Variants in CDH23 observed in about 807,000 individuals in gnomAD.
CDH23 encodes cadherin-23.
A neutral mutation model predicts 317.1 loss-of-function variants in CDH23; 189 were observed. The observed-to-expected ratio is 0.60, with a 90% confidence interval of 0.53 to 0.67. The LOEUF is 0.67. Among genes scored for constraint, CDH23 ranks in the 30% least tolerant of loss-of-function variants. The pLI is 0.00. For synonymous variants in CDH23, 1,839 were observed against 1,876.8 expected (o/e 0.98, Z 0.52); for missense variants, 4,401 against 4,592.4 (o/e 0.96, Z 1.20).
rs140660899 is a variant in CDH23, at chr10:71,510,297, G to A, written c.288+73G>A. ...GGAGACACTGGGGGAAGGACGGCCC[G>A]CCATCTTTTGGCGTCTTCCTCTAAG... On this transcript the variant is annotated intron_variant, in intron 4 of 69. Coordinates refer to ENST00000224721, the MANE Select transcript of CDH23 (RefSeq NM_022124.6). 2.1e-3 allele frequency: 3,220 copies of A among 1,542,048 alleles called. 23 individuals are homozygous for A. Among genetic ancestry groups the A allele is most frequent in the African/African-American group, 0.019 (1,386 of 73,470 alleles).
At chr10:71,510,928 C>T (rs750074677) in intron 4 of CDH23, 26 bp from the exon 5 acceptor site, 1 of 1,613,704 alleles carries the variant, frequency 6.2e-7, no homozygotes, top group Non-Finnish European at 8.5e-7. Context: ...CTAACTGCCC[C>T]CCTCCCTCTC....
chr10:71,466,489 C>T (rs973124456), intron 3 of CDH23, among the ~76,000 whole-genome samples: 1 of 151,870 alleles, frequency 6.6e-6, no homozygotes, highest in African/African-American at 2.4e-5. Flanking sequence ...CCCCACCTCA[C>T]GGATATGCGT....
intron 2 of CDH23, among the ~76,000 whole-genome samples, chr10:71,442,455 C>G (rs1003482333): frequency 4.6e-5 from 7 of 152,166 alleles, no homozygotes; most frequent in Non-Finnish European, 1.0e-4. Flanking sequence ...CCACACTGCC[C>G]TCGCCACTTT....
intron 51 of CDH23, 37 bp from the exon 52 acceptor site, chr10:71,799,455 C>T (rs1471937957): frequency 5.6e-6 from 9 of 1,613,604 alleles, no homozygotes; most frequent in Non-Finnish European, 7.6e-6. Context: ...TGGGACTGAC[C>T]TTGGCCTACT....
chr10:71,692,403 C>G (rs759341721), intron 20 of CDH23, among the ~76,000 whole-genome samples: 22 of 152,210 alleles, frequency 1.4e-4, no homozygotes, highest in Admixed American at 7.2e-4. Context: ...CTCTGAGTTC[C>G]TCGGTCAAAT....
At position 71,785,692 on chromosome 10, in the gene CDH23, C is replaced by G. The variant is rs767901553; in HGVS notation, c.5774C>G (p.Thr1925Ser). 1.2e-6 allele frequency: 2 copies of G among 1,608,968 alleles called. No individual in the cohort carries two copies. The highest frequency in any genetic ancestry group is 1.7e-5 in the Admixed American group (1 of 59,528). The change falls in exon 44 of 70, where the codon ACC becomes AGC. Residue 1925 changes from threonine to serine, a missense_variant. Transcript: ENST00000224721. ...GAGCGGATCCCAGAGTACAAGCTGA[C>G]CATTTCTGTGAAGGACAACCCGGAG... ...DRERIPEYKL[T>S]ISVKDNPENP...
At chr10:71,580,227 C>A (rs1333119455) in intron 9 of CDH23, among the ~76,000 whole-genome samples, 1 of 152,206 alleles carries the variant, frequency 6.6e-6, no homozygotes, top group South Asian at 2.1e-4. Context: ...GCTGCTAAGC[C>A]TTTGGTGTCT....
chr10:71,444,209 T>TGGAGTGCTTGCTGTGTGCCAGTGGC (rs1335899374), intron 2 of CDH23, among the ~76,000 whole-genome samples: 4 of 152,270 alleles, frequency 2.6e-5, no homozygotes, highest in Non-Finnish European at 4.4e-5. Flanking sequence ...CTACCATTTA[T>TGGAGTGCTTGCTGTGTGCCAGTGGC]GGAGTGCTTG....
At chr10:71,574,226 C>G (rs10762455) in intron 8 of CDH23, among the ~76,000 whole-genome samples, 22,002 of 151,962 alleles carry the variant, frequency 0.14, 2,417 homozygotes, top group East Asian at 0.54. Context: ...CTCCCCCTAT[C>G]AGCGTATCAG....
intron 3 of CDH23, among the ~76,000 whole-genome samples, chr10:71,456,318 A>T (rs1850693608): frequency 6.6e-6 from 1 of 151,692 alleles, no homozygotes; most frequent in Admixed American, 6.6e-5. Flanking sequence ...TTGGGGGATG[A>T]CTGACAGAAC....
chr10:71,814,844 C>A, intron 69 of CDH23, 108 bp from the exon 70 acceptor site: 2 of 1,285,890 alleles, frequency 1.6e-6, no homozygotes, highest in Non-Finnish European at 2.1e-6. Flanking sequence ...AGGCCTGCTG[C>A]GGTAGGAGCC....
Position 71,557,104 on chromosome 10 carries a change from AC to A in CDH23, c.430-9637del, listed in dbSNP as rs777994347. On this transcript the variant is annotated intron_variant, in intron 6 of 69. Coordinates refer to ENST00000224721, the MANE Select transcript of CDH23 (RefSeq NM_022124.6). Reference sequence around the variant, plus strand: ...TTAACATTCACTATCCATCCTCCAAACTTAATTATATTTCTCTTTTTAGCTA... The same window carrying A: ...TTAACATTCACTATCCATCCTCCAAATTAATTATATTTCTCTTTTTAGCTA... Among the ~76,000 whole-genome samples the A allele has an allele frequency of 1.1e-4, 17 of 152,114 alleles. No homozygotes were observed. In the East Asian group the frequency reaches 2.1e-3, roughly 19 times the overall value.
chr10:71,455,652 A>T (rs1850659638), intron 3 of CDH23, among the ~76,000 whole-genome samples: 1 of 152,206 alleles, frequency 6.6e-6, no homozygotes, highest in African/African-American at 2.4e-5. Context: ...CATAGAAAAA[A>T]ATATATACAG....
chr10:71,613,921 C>T (rs1861045030), intron 9 of CDH23, among the ~76,000 whole-genome samples: 1 of 152,232 alleles, frequency 6.6e-6, no homozygotes, highest in Non-Finnish European at 1.5e-5. Flanking sequence ...ACTACTGAGT[C>T]CTTATTTTGT....
intron 38 of CDH23, among the ~76,000 whole-genome samples, chr10:71,777,450 G>T (rs986273681): frequency 2.0e-5 from 3 of 152,344 alleles, no homozygotes; most frequent in Non-Finnish European, 4.4e-5. Flanking sequence ...CGCAGACATA[G>T]GAGTGGTGGT....
rs370965108 is a variant in CDH23 at position 71,785,714 on chromosome 10, G to T, written c.5796G>T (p.Pro1932=). The T allele has an allele frequency of 6.2e-7, 1 of 1,606,752 alleles. No homozygotes were observed. The highest frequency in any genetic ancestry group is 8.5e-7 in the Non-Finnish European group (1 of 1,176,520). The part of the protein sequence containing the change: ...YKLTISVKDN[P]ENPRIARRDY... Reference sequence around the variant, plus strand: ...TGACCATTTCTGTGAAGGACAACCCGGAGAATCCACGCATAGCCAGGAGGG... The same window carrying T: ...TGACCATTTCTGTGAAGGACAACCCTGAGAATCCACGCATAGCCAGGAGGG... Residue 1932 remains proline (P), a synonymous_variant, in exon 44 of 70, where the codon CCG becomes CCT. Coordinates refer to ENST00000224721, the MANE Select transcript of CDH23 (RefSeq NM_022124.6).
At chr10:71,729,949 C>T (rs1839307492) in intron 30 of CDH23, among the ~76,000 whole-genome samples, 6 of 151,982 alleles carry the variant, frequency 3.9e-5, no homozygotes, top group Admixed American at 3.9e-4. Context: ...ATTCTCCTCC[C>T]TCAGCCTCCT....
chr10:71,676,003 G>A (rs754455474), intron 15 of CDH23, among the ~76,000 whole-genome samples: 8 of 148,754 alleles, frequency 5.4e-5, no homozygotes, highest in Non-Finnish European at 8.9e-5. Flanking sequence ...CACCTCCTAG[G>A]TTCAAGCAAT....
intron 3 of CDH23, among the ~76,000 whole-genome samples, chr10:71,476,926 G>T (rs1367006768): frequency 1.3e-5 from 2 of 152,146 alleles, no homozygotes; most frequent in Admixed American, 6.5e-5. Flanking sequence ...GGAAATGTTA[G>T]GGCTGTTCTA....
Sources: allele counts gnomAD v4.1 joint callset (sites outside exome capture counted in the v4.1 genomes callset), GRCh38; gene constraint gnomAD v4.1.1; transcripts MANE v1.5; gene names NCBI Gene and HGNC (gene_info 2026-07-23, HGNC 2026-07-21).